ANOS1: variants seen among roughly 807,000 people sequenced by gnomAD.
ANOS1 encodes the protein anosmin 1, also known as anosmin-1.
ANOS1 carries 6 observed loss-of-function variants against 59.0 expected under a neutral mutation model. The observed-to-expected ratio is 0.10, with a 90% CI of 0.06 to 0.20. ANOS1 has a LOEUF of 0.20. Among genes scored for constraint, ANOS1 ranks in the 10% least tolerant of loss-of-function variants. The pLI is 1.00. For missense variants in ANOS1, 433 were observed against 542.3 expected, an observed-to-expected ratio of 0.80 and a Z score of 2.00; for synonymous variants, 217 against 223.4, an observed-to-expected ratio of 0.97 and a Z score of 0.25.
chrX:8,618,981 G>A (rs1432620079), intron 3 of ANOS1, among the ~76,000 whole-genome samples: 1 of 104,341 alleles, frequency 9.6e-6, no homozygotes, highest in Non-Finnish European at 1.9e-5. Flanking sequence ...GCTGAGGCAG[G>A]AGAATCGCTC....
At chrX:8,594,643 CATATATATATATGTGTATATAT>C (rs1930678951) in intron 4 of ANOS1, among the ~76,000 whole-genome samples, 1 of 45,679 alleles carries the variant, frequency 2.2e-5, no homozygotes, top group Non-Finnish European at 3.9e-5. Context: ...AAAAAATCTA[CATATATATATATGTGTATATAT>C]ATATATATAT....
intron 2 of ANOS1, among the ~76,000 whole-genome samples, chrX:8,645,338 T>C (rs751038433): frequency 9.0e-6 from 1 of 111,721 alleles, no homozygotes; most frequent in South Asian, 3.8e-4. Context: ...TTTCTGCAGG[T>C]GTCGGCAGAA....
chrX:8,699,592 G>T (rs914297782), intron 2 of ANOS1, 106 bp downstream of exon 2: 4 of 543,020 alleles, frequency 7.4e-6, no homozygotes, highest in Admixed American at 3.1e-5. Context: ...GGTGGAAACT[G>T]GGCATATATG....
chrX:8,572,008 T>C (rs1346177245), intron 6 of ANOS1, among the ~76,000 whole-genome samples: 2 of 112,493 alleles, frequency 1.8e-5, no homozygotes, highest in East Asian at 2.8e-4. Flanking sequence ...CTATGATATA[T>C]CATGTCTGGA....
At chrX:8,570,749 A>G in intron 6 of ANOS1, 45 bp from the exon 7 acceptor site, 1 of 1,092,597 alleles carries the variant, frequency 9.2e-7, no homozygotes, top group Non-Finnish European at 1.3e-6. Context: ...CCACAAAACT[A>G]ACATCTTTGG....
chrX:8,717,314 T>C (rs1418773136), intron 1 of ANOS1, among the ~76,000 whole-genome samples: 3 of 112,111 alleles, frequency 2.7e-5, no homozygotes, highest in Non-Finnish European at 5.6e-5. Flanking sequence ...CTATGGCTCC[T>C]GGATAATAGA....
At chrX:8,543,971 C>T (rs1929726925) in intron 9 of ANOS1, among the ~76,000 whole-genome samples, 1 of 110,551 alleles carries the variant, frequency 9.0e-6, no homozygotes, top group Admixed American at 9.6e-5. Flanking sequence ...AGCTTAATTC[C>T]TTCCACAAAT....
At chrX:8,593,950 T>C (rs1930664481) in intron 4 of ANOS1, among the ~76,000 whole-genome samples, 1 of 111,862 alleles carries the variant, frequency 8.9e-6, no homozygotes, top group Admixed American at 9.5e-5. Context: ...AGCCACTGTG[T>C]CAGACCTTAG....
At chrX:8,545,880 A>G (rs190199926) in intron 9 of ANOS1, among the ~76,000 whole-genome samples, 80 of 112,554 alleles carry the variant, frequency 7.1e-4, no homozygotes, top group Non-Finnish European at 1.1e-4. Context: ...CTTATTTGCC[A>G]AAAGCATTAA....
chrX:8,573,216 A>C (rs931840134), intron 6 of ANOS1, among the ~76,000 whole-genome samples: 9 of 110,320 alleles, frequency 8.2e-5, no homozygotes, highest in Non-Finnish European at 1.1e-4. Context: ...GGCACCTGCC[A>C]TCATGCCTGG....
At chrX:8,566,501 T>C (rs1208248462) in intron 8 of ANOS1, among the ~76,000 whole-genome samples, 1 of 111,312 alleles carries the variant, frequency 9.0e-6, no homozygotes, top group Non-Finnish European at 1.9e-5. Context: ...ACAGTACGTA[T>C]ATATAGTGTA....
At chrX:8,554,550 T>G (rs921792968) in intron 8 of ANOS1, among the ~76,000 whole-genome samples, 1 of 93,715 alleles carries the variant, frequency 1.1e-5, no homozygotes, top group Admixed American at 1.2e-4. Flanking sequence ...GAGTTTTTTT[T>G]TTTTTTTTTT....
At chrX:8,627,631 AAAT>A (rs937627699) in intron 2 of ANOS1, among the ~76,000 whole-genome samples, 3 of 111,528 alleles carry the variant, frequency 2.7e-5, no homozygotes, top group Admixed American at 9.6e-5. Flanking sequence ...ATCCTCCATG[AAAT>A]CTCTCTGACA....
intron 8 of ANOS1, among the ~76,000 whole-genome samples, chrX:8,566,683 T>C (rs184961829): frequency 9.0e-6 from 1 of 111,359 alleles, no homozygotes; most frequent in African/African-American, 3.3e-5. Context: ...AGGTAAAATT[T>C]ATATTGTACC....
At chrX:8,592,032 A>C (rs1219435789) in intron 4 of ANOS1, among the ~76,000 whole-genome samples, 1 of 112,395 alleles carries the variant, frequency 8.9e-6, no homozygotes, top group Non-Finnish European at 1.9e-5. Flanking sequence ...AATCAAAGGA[A>C]CAGAAACCCA....
At chrX:8,730,456 G>C (rs1932962008) in intron 1 of ANOS1, among the ~76,000 whole-genome samples, 1 of 112,809 alleles carries the variant, frequency 8.9e-6, no homozygotes, top group Non-Finnish European at 1.9e-5. Context: ...CTGCACACTC[G>C]CGAACGCGCC....
chrX:8,625,002 G>A (rs1233986726), intron 2 of ANOS1, among the ~76,000 whole-genome samples: 1 of 110,245 alleles, frequency 9.1e-6, no homozygotes, highest in African/African-American at 3.3e-5. Context: ...CCAGCTACTC[G>A]GAAGACTGAG....
At chrX:8,606,968 A>C (rs5978916) in intron 3 of ANOS1, among the ~76,000 whole-genome samples, 3,167 of 111,910 alleles carry the variant, frequency 0.028, 113 homozygotes, top group African/African-American at 0.097. Context: ...AAATCCAAAA[A>C]ATCAGCCAGG....
Position 8,547,728 on chromosome X carries a change from G to GT in ANOS1, c.1354+6223dup, listed in dbSNP as rs201146791. On this transcript the variant is annotated intron_variant, in intron 9 of 13. Coordinates refer to ENST00000262648, the MANE Select transcript of ANOS1 (RefSeq NM_000216.4). The stretch of plus-strand genomic sequence containing the variant: ...TTGATATCTAAGTTAATTCAAAGGT[G>GT]TTTTTTTTTGACGGTGTCTCGCTCT... Among the ~76,000 whole-genome samples the GT allele has an allele frequency of 3.6e-3, 394 of 109,999 alleles. 11 individuals are homozygous for GT. The East Asian group carries it at 0.078, about 22-fold the overall frequency.
Sources: allele counts gnomAD v4.1 joint callset (sites outside exome capture counted in the v4.1 genomes callset), GRCh38; gene constraint gnomAD v4.1.1; transcripts MANE v1.5; gene names NCBI Gene and HGNC (gene_info 2026-07-23, HGNC 2026-07-21).